The following SCN4B variants were observed in gnomAD, a reference collection of about 807,000 sequenced individuals.
SCN4B encodes sodium channel regulatory subunit beta-4.
Under a neutral mutation model 19.6 loss-of-function variants are expected in SCN4B, and 20 were observed. The observed-to-expected ratio is 1.02, with a 90% confidence interval of 0.72 to 1.48. The LOEUF (loss-of-function observed/expected upper bound fraction) is 1.48. SCN4B is among the 40% of genes most tolerant of loss of function. The probability of loss-of-function intolerance (pLI) is 0.00; values close to 1 mark genes in which losing one functional copy is unlikely to be tolerated. For missense variants in SCN4B, 271 were observed against 287.5 expected (o/e 0.94, Z 0.42); for synonymous variants, 127 against 122.8 (o/e 1.03, Z -0.22).
chr11:118,133,812 A>G lies in SCN4B; in HGVS notation c.*3215T>C. On this transcript the variant is annotated 3_prime_UTR_variant, in exon 5 of 5. Transcript: ENST00000324727. The stretch of plus-strand genomic sequence containing the variant: ...CTGTCTGTGACACTGAGATGAAGTC[A>G]TGGAGTGACGGAATGCAGGAGCACG... The G allele has an allele frequency of 4.4e-6, 2 of 454,536 alleles. No homozygotes were observed. 28.2% of individuals were successfully genotyped at this position (454,536 alleles called of 1,614,324 possible).
chr11:118,148,411 C>T lies in SCN4B; in HGVS notation c.62-3182G>A, dbSNP rs75858918. Among the ~76,000 whole-genome samples, 1,084 of 152,290 alleles carry T rather than the reference C, an allele frequency of 7.1e-3. 14 individuals are homozygous for T. The highest frequency in any genetic ancestry group is 0.025 in the African/African-American group (1,033 of 41,556). On this transcript the variant is annotated intron_variant, in intron 1 of 4. Transcript: ENST00000324727. The surrounding 1 kb of genome is among the most constrained non-coding windows in gnomAD (Gnocchi z 4.0). ...GCAGGTGTTGGTCCACAAAGGCCGC[C>T]GGAGGGCTGCTTCAGGATGACCAAG...
At chr11:118,144,170 A>T in intron 2 of SCN4B, 109 bp from the exon 3 acceptor site, 1 of 766,306 alleles carries the variant, frequency 1.3e-6, no homozygotes, top group South Asian at 1.4e-5. Context: ...CCTGTCCAGG[A>T]CCAGGAAGAG....
At chr11:118,141,640 G>C in intron 3 of SCN4B, 1 of 446,194 alleles carries the variant, frequency 2.2e-6, no homozygotes, top group Non-Finnish European at 4.1e-6. Flanking sequence ...ACTCAAGTTT[G>C]AGTGGTGACT....
chr11:118,143,519 C>G (rs771416104), intron 3 of SCN4B, among the ~76,000 whole-genome samples: 5 of 152,152 alleles, frequency 3.3e-5, no homozygotes, highest in Non-Finnish European at 7.3e-5. Context: ...TCAGTATATA[C>G]GGAGAAAACC....
Position 118,137,107 on chromosome 11 carries a change from C to G in SCN4B, c.607G>C (p.Val203Leu). The G allele has an allele frequency of 6.2e-7, 1 of 1,613,100 alleles. No homozygotes were observed. Among genetic ancestry groups the G allele is most frequent in the Non-Finnish European group, 8.5e-7 (1 of 1,179,088 alleles). Residue 203 changes from valine (V) to leucine (L), a missense_variant, in exon 5 of 5, where the codon GTG (valine) becomes CTG (leucine). Transcript: ENST00000324727. ...KTREKKKECL[V>L]SSSGNDNTEN... is the part of the protein sequence containing the mutation. The stretch of plus-strand genomic sequence containing the variant: ...GTGTTGTCATTCCCCGAGGAGCTCA[C>G]GAGACACTCCTTCCTGGAGAGGGAG...
In SCN4B at chr11:118,143,978, A is replaced by G; in HGVS notation, c.318T>C (p.Ser106=). 1 of 1,614,098 alleles carries G rather than the reference A, an allele frequency of 6.2e-7. No individual in the cohort carries two copies. The highest frequency in any genetic ancestry group is 8.5e-7 in the Non-Finnish European group (1 of 1,179,956). Residue 106 remains serine, a synonymous_variant, in exon 3 of 5, where the codon TCT becomes TCC. Transcript: ENST00000324727. Reference sequence around the variant, plus strand: ...AAATGTTGTTCATCTTCTCCTTAGTAGAGCCTACCAGAGTGATGCGGTCAT... The same window carrying G: ...AAATGTTGTTCATCTTCTCCTTAGTGGAGCCTACCAGAGTGATGCGGTCAT... ...KDDDRITLVG[S]TKEKMNNISI...
At position 118,152,664 on chromosome 11, in the gene SCN4B, C is replaced by T. The variant is rs758010582; in HGVS notation, c.10G>A (p.Ala4Thr). 2 of 1,610,766 alleles carry T rather than the reference C, an allele frequency of 1.2e-6. No individual in the cohort carries two copies. Among genetic ancestry groups the T allele is most frequent in the Non-Finnish European group, 1.7e-6 (2 of 1,178,148 alleles). ...GCCGGGGCTTTGCCTCCGTCCCCAG[C>T]CCCGGGCATAGTCCTGTTCTCTCCG... Reference protein sequence around the residue: MPGAGDGGKAPARW... With the variant: MPGTGDGGKAPARW... Residue 4 changes from alanine (A) to threonine (T), a missense_variant, in exon 1 of 5, where the codon GCT (alanine) becomes ACT (threonine). Ala to Thr is a moderately conservative substitution (Grantham distance 58). Transcript: ENST00000324727.
rs918145097 is a variant in SCN4B at position 118,141,251 on chromosome 11, G to A, written c.549C>T (p.Ile183=). ...TCAGGATGAAGATGATGAGTTTCTT[G>A]ATCAGCAGGATGAGGATGAGGAGCC... ...VIGLLILILL[I]KKLIIFILKK... The change falls in exon 4 of 5, where the codon ATC becomes ATT. Residue 183 remains isoleucine, a synonymous_variant. Coordinates refer to ENST00000324727, the MANE Select transcript of SCN4B (RefSeq NM_174934.4). The A allele has an allele frequency of 6.2e-7, 1 of 1,612,928 alleles. No individual in the cohort carries two copies. The highest frequency in any genetic ancestry group is 8.5e-7 in the Non-Finnish European group (1 of 1,179,986).
chr11:118,149,421 TG>T (rs1948214702), intron 1 of SCN4B, among the ~76,000 whole-genome samples: 1 of 152,112 alleles, frequency 6.6e-6, no homozygotes. Flanking sequence ...AAGTTAGAGC[TG>T]GGGGGCAGAA....
rs1298075464 is a variant in SCN4B, at chr11:118,152,651, C to T, written c.23G>A (p.Gly8Asp). ...GCCCAGCCATCTCGCCGGGGCTTTG[C>T]CTCCGTCCCCAGCCCCGGGCATAGT... MPGAGDG[G>D]KAPARWLGTG... Residue 8 changes from glycine to aspartate, a missense_variant, in exon 1 of 5, where the codon GGC becomes GAC. Physicochemically the swap from Gly to Asp is moderately conservative, Grantham distance 94. Transcript: ENST00000324727. 3 of 1,611,360 alleles carry T rather than the reference C, an allele frequency of 1.9e-6. No individual in the cohort carries two copies. Among genetic ancestry groups the T allele is most frequent in the Non-Finnish European group, 2.5e-6 (3 of 1,178,566 alleles).
At chr11:118,140,200 G>T (rs1302101701) in intron 4 of SCN4B, among the ~76,000 whole-genome samples, 1 of 152,110 alleles carries the variant, frequency 6.6e-6, no homozygotes, top group Non-Finnish European at 1.5e-5. Flanking sequence ...CCCCTCTCAC[G>T]ATCACCAAAA....
chr11:118,134,834 GC>G lies in SCN4B; in HGVS notation c.*2192del, dbSNP rs1266363919. 1 of 453,932 alleles carries G rather than the reference GC, an allele frequency of 2.2e-6. No individual in the cohort carries two copies. The highest frequency in any genetic ancestry group is 2.0e-5 in the African/African-American group (1 of 49,966). The allele number at this position is 453,932 out of a possible 1,614,324, so 28.1% of individuals were successfully genotyped here. ...AAAAAGATGTTTTTAGACAAAACTT[GC>G]CAAGCCTCACAACAGTCCTGTGAGG... is the stretch of plus-strand genomic sequence containing the variant. On this transcript the variant is annotated 3_prime_UTR_variant, in exon 5 of 5. Transcript: ENST00000324727.
At position 118,134,784 on chromosome 11, in the gene SCN4B, G is replaced by C. The variant is rs2135494532; in HGVS notation, c.*2243C>G. Reference sequence around the variant, plus strand: ...GGAACTATCCCTGCAATTAATACCTGGCTTCCCAGATCCCTTTCCAAGCCA... The same window carrying C: ...GGAACTATCCCTGCAATTAATACCTCGCTTCCCAGATCCCTTTCCAAGCCA... On this transcript the variant is annotated 3_prime_UTR_variant, in exon 5 of 5. Coordinates refer to ENST00000324727, the MANE Select transcript of SCN4B (RefSeq NM_174934.4). 2.2e-6 allele frequency: 1 copy of C among 454,060 alleles called. No individual in the cohort carries two copies. Among genetic ancestry groups the C allele is most frequent in the African/African-American group, 2.0e-5 (1 of 50,100 alleles). 28.1% of individuals were successfully genotyped at this position (454,060 alleles called of 1,614,324 possible). A position where few individuals can be genotyped will look rare whatever the true frequency, so the allele number is the denominator to read the frequency against.
chr11:118,149,352 C>T (rs1282369523), intron 1 of SCN4B, among the ~76,000 whole-genome samples: 2 of 152,114 alleles, frequency 1.3e-5, no homozygotes, highest in Non-Finnish European at 2.9e-5. Flanking sequence ...AGTGGACACA[C>T]GGCTGACTTT....
At chr11:118,142,166 G>A (rs954489357) in intron 3 of SCN4B, among the ~76,000 whole-genome samples, 1 of 152,198 alleles carries the variant, frequency 6.6e-6, no homozygotes, top group African/African-American at 2.4e-5. Context: ...TGGCATAGGG[G>A]CCTGAGTGAA....
intron 3 of SCN4B, 29 bp downstream of exon 3, chr11:118,143,804 A>G (rs764992728): frequency 6.4e-7 from 1 of 1,559,266 alleles, no homozygotes; most frequent in Non-Finnish European, 8.8e-7. Context: ...TTCCCACGCC[A>G]CTGCCCTGTG....
intron 1 of SCN4B, among the ~76,000 whole-genome samples, chr11:118,151,328 A>G (rs978735779): frequency 6.6e-6 from 1 of 152,102 alleles, no homozygotes; most frequent in East Asian, 1.9e-4. Context: ...CATTGCCACC[A>G]TGGGGACCTG....
Position 118,145,105 on chromosome 11 carries a change from C to A in SCN4B, c.186G>T (p.Glu62Asp). The stretch of plus-strand genomic sequence containing the variant: ...TGTAGGTCCACCGGAAGTGGAGGTC[C>A]TCGAAGCCAAAGCAGCTGGAGAAGG... ...PCTFSSCFGF[E>D]DLHFRWTYNS... Residue 62 changes from glutamate to aspartate, a missense_variant, in exon 2 of 5, where the codon GAG (glutamate) becomes GAT (aspartate). Physicochemically the swap from Glu to Asp is conservative, Grantham distance 45. Transcript: ENST00000324727. The A allele has an allele frequency of 6.2e-7, 1 of 1,614,146 alleles. No individual in the cohort carries two copies. Among genetic ancestry groups the A allele is most frequent in the African/African-American group, 1.3e-5 (1 of 75,024 alleles).
rs757744268 is a variant in SCN4B, at chr11:118,135,657, T to G, written c.*1370A>C. 4.4e-6 allele frequency: 2 copies of G among 454,274 alleles called. No individual in the cohort carries two copies. Among genetic ancestry groups the G allele is most frequent in the South Asian group, 3.1e-5 (2 of 64,462 alleles). The allele number at this position is 454,274 out of a possible 1,614,324, so 28.1% of individuals were successfully genotyped here. A position where few individuals can be genotyped will look rare whatever the true frequency, so the allele number is the denominator to read the frequency against. On this transcript the variant is annotated 3_prime_UTR_variant, in exon 5 of 5. Coordinates refer to ENST00000324727, the MANE Select transcript of SCN4B (RefSeq NM_174934.4). ...CAGTCACTGGCCAATTCCAGCCTCA[T>G]GGCCCCCTCTATGACCCTGGGGAGG...
Sources: allele counts gnomAD v4.1 joint callset (sites outside exome capture counted in the v4.1 genomes callset), GRCh38; gene constraint gnomAD v4.1.1; non-coding constraint Gnocchi (gnomAD v3.1); transcripts MANE v1.5; gene names NCBI Gene and HGNC (gene_info 2026-07-23, HGNC 2026-07-21).